Variants in ANKS1B observed in about 807,000 individuals in gnomAD.
ANKS1B encodes ankyrin repeat and sterile alpha motif domain containing 1B.
ANKS1B carries 36 observed loss-of-function variants against 148.3 expected under a neutral mutation model. The ratio of observed to expected loss-of-function variants is 0.24; its 90% CI spans 0.19 to 0.32. The LOEUF (loss-of-function observed/expected upper bound fraction) is 0.32, where lower values mean the gene tolerates loss of function less well. ANKS1B is among the 10% of genes least tolerant of loss of function. ANKS1B has a pLI of 1.00. For synonymous variants in ANKS1B, 542 were observed against 560.8 expected, an observed-to-expected ratio of 0.97 and a Z score of 0.47; for missense variants, 1,157 against 1,542.6, an observed-to-expected ratio of 0.75 and a Z score of 4.19.
At chr12:99,013,106 G>C (rs1351819844) in intron 17 of ANKS1B, among the ~76,000 whole-genome samples, 1 of 152,102 alleles carries the variant, frequency 6.6e-6, no homozygotes, top group Non-Finnish European at 1.5e-5. Flanking sequence ...AGCCATCCTG[G>C]GGCTTACAGA....
chr12:99,324,860 G>T (rs1379915080), intron 12 of ANKS1B, among the ~76,000 whole-genome samples: 2 of 152,020 alleles, frequency 1.3e-5, no homozygotes, highest in Non-Finnish European at 2.9e-5. Flanking sequence ...CTGTTATGTG[G>T]TCCTAACACC....
chr12:98,821,693 C>T (rs1397847939), intron 19 of ANKS1B, among the ~76,000 whole-genome samples: 4 of 152,092 alleles, frequency 2.6e-5, no homozygotes, highest in Non-Finnish European at 4.4e-5. Context: ...CTGTGAACTC[C>T]GCCTCCTGGG....
At chr12:99,060,653 T>TCACACACG (rs2042101492) in intron 16 of ANKS1B, among the ~76,000 whole-genome samples, 1 of 126,036 alleles carries the variant, frequency 7.9e-6, no homozygotes, top group Non-Finnish European at 1.7e-5. Context: ...TATATACACA[T>TCACACACG]CACACACACA....
chr12:99,760,957 A>G (rs1185009792), intron 8 of ANKS1B, among the ~76,000 whole-genome samples: 1 of 150,382 alleles, frequency 6.6e-6, no homozygotes, highest in Admixed American at 6.7e-5. Flanking sequence ...AAGTAGATAA[A>G]TTCCTGGAAA....
At chr12:99,653,742 G>A (rs1279129154) in intron 9 of ANKS1B, among the ~76,000 whole-genome samples, 1 of 144,246 alleles carries the variant, frequency 6.9e-6, no homozygotes. Context: ...GAATGCAGTG[G>A]TATGATCACA....
intron 17 of ANKS1B, among the ~76,000 whole-genome samples, chr12:98,986,350 A>T (rs2099923368): frequency 6.7e-6 from 1 of 149,286 alleles, no homozygotes; most frequent in Non-Finnish European, 1.5e-5. Context: ...GTGATATTTT[A>T]CCACAGCTTG....
intron 17 of ANKS1B, among the ~76,000 whole-genome samples, chr12:99,007,103 A>G (rs1568326023): frequency 6.6e-6 from 1 of 152,202 alleles, no homozygotes; most frequent in East Asian, 1.9e-4. Context: ...CTCTGCTGTT[A>G]TTGTTGTTCT....
intron 8 of ANKS1B, among the ~76,000 whole-genome samples, chr12:99,744,895 G>A (rs1353421307): frequency 6.7e-6 from 1 of 148,428 alleles, no homozygotes; most frequent in Non-Finnish European, 1.5e-5. Context: ...AGGAGGCTGA[G>A]GCAGGAGAAT....
chr12:99,828,745 C>T (rs924251006), intron 1 of ANKS1B, among the ~76,000 whole-genome samples: 2 of 152,014 alleles, frequency 1.3e-5, no homozygotes, highest in Non-Finnish European at 2.9e-5. Flanking sequence ...TGGTGGTTCT[C>T]GCCTGTAATC....
At chr12:99,321,824 C>T (rs1244266962) in intron 12 of ANKS1B, among the ~76,000 whole-genome samples, 1 of 152,066 alleles carries the variant, frequency 6.6e-6, no homozygotes, top group South Asian at 2.1e-4. Context: ...TTGGGACCAT[C>T]CAGAATGGTA....
At chr12:99,895,466 G>A (rs2093349378) in intron 1 of ANKS1B, among the ~76,000 whole-genome samples, 1 of 150,724 alleles carries the variant, frequency 6.6e-6, no homozygotes. Context: ...TTTCTCTGGA[G>A]AACCTTAGTA....
intron 1 of ANKS1B, among the ~76,000 whole-genome samples, chr12:99,826,019 AT>A (rs5800385): frequency 0.61 from 92,515 of 151,082 alleles, 29,615 homozygotes; most frequent in African/African-American, 0.74. Flanking sequence ...AAAAGAGTCT[AT>A]TTTTTTTTTG....
chr12:98,776,047 A>G (rs1357768555), intron 24 of ANKS1B, among the ~76,000 whole-genome samples: 3 of 152,242 alleles, frequency 2.0e-5, no homozygotes, highest in African/African-American at 7.2e-5. Flanking sequence ...CCTTTGTGAT[A>G]TATTGCCAAT....
At position 99,982,586 on chromosome 12, in the gene ANKS1B, G is replaced by A. The variant is rs902421387; in HGVS notation, c.134+1518C>T. On this transcript the variant is annotated intron_variant, in intron 1 of 26. Coordinates refer to ENST00000683438, the MANE Select transcript of ANKS1B (RefSeq NM_001352186.2). Reference sequence around the variant, plus strand: ...TCCACAGCAAACGTTGTTATTTTACGTGTAACTTAAAACTGTAAAGAGATA... The same window carrying A: ...TCCACAGCAAACGTTGTTATTTTACATGTAACTTAAAACTGTAAAGAGATA... Among the ~76,000 whole-genome samples, 15 of 152,136 alleles carry A rather than the reference G, an allele frequency of 9.9e-5. No homozygotes were observed. The East Asian group carries it at 2.1e-3, about 21-fold the overall frequency.
chr12:99,178,702 T>C (rs910564740), intron 14 of ANKS1B, among the ~76,000 whole-genome samples: 2 of 152,372 alleles, frequency 1.3e-5, no homozygotes, highest in East Asian at 3.9e-4. Context: ...TATGGTTTCA[T>C]TGAAAATAAC....
intron 10 of ANKS1B, among the ~76,000 whole-genome samples, chr12:99,496,168 C>T (rs1206244594): frequency 1.3e-5 from 2 of 152,192 alleles, no homozygotes; most frequent in African/African-American, 4.8e-5. Context: ...ATTTATCGGG[C>T]ATCCATAGTA....
At chr12:99,206,425 G>A (rs1184470712) in intron 14 of ANKS1B, among the ~76,000 whole-genome samples, 1 of 151,892 alleles carries the variant, frequency 6.6e-6, no homozygotes, top group Non-Finnish European at 1.5e-5. Flanking sequence ...TATCAATGAG[G>A]GTTCTCAAAT....
chr12:99,785,359 A>G (rs1309877328), intron 4 of ANKS1B, among the ~76,000 whole-genome samples: 1 of 152,062 alleles, frequency 6.6e-6, no homozygotes, highest in Non-Finnish European at 1.5e-5. Context: ...TGTGATCTCT[A>G]AAGTGGGATT....
At chr12:99,199,979 C>G (rs1245117924) in intron 14 of ANKS1B, among the ~76,000 whole-genome samples, 1 of 152,140 alleles carries the variant, frequency 6.6e-6, no homozygotes, top group African/African-American at 2.4e-5. Flanking sequence ...AAAGGAAGAA[C>G]AGGAGAGGGC....
Sources: allele counts gnomAD v4.1 joint callset (sites outside exome capture counted in the v4.1 genomes callset), GRCh38; gene constraint gnomAD v4.1.1; transcripts MANE v1.5; gene names NCBI Gene and HGNC (gene_info 2026-07-23, HGNC 2026-07-21).